CEP152: variants seen among roughly 807,000 people sequenced by gnomAD.
CEP152 encodes centrosomal protein of 152 kDa.
CEP152 carries 132 observed loss-of-function variants against 188.9 expected under a neutral mutation model. That is an observed-to-expected ratio of 0.70 (90% CI 0.61 to 0.81). The LOEUF (loss-of-function observed/expected upper bound fraction) is 0.81, where lower values mean the gene tolerates loss of function less well. Ranked by LOEUF, CEP152 falls within the 30% of genes least tolerant of loss-of-function variation. The pLI, the probability that CEP152 is intolerant of heterozygous loss-of-function variation, is 0.00. For missense variants in CEP152, 1,914 were observed against 1,969.8 expected (o/e 0.97, Z 0.54); for synonymous variants, 649 against 666.6 (o/e 0.97, Z 0.41).
At position 48,802,367 on chromosome 15, in the gene CEP152, G is replaced by A. The variant is rs185039552; in HGVS notation, c.87+3196C>T. Among the ~76,000 whole-genome samples the A allele has an allele frequency of 4.7e-3, 711 of 152,240 alleles. 6 individuals carry two copies. Among genetic ancestry groups the A allele is most frequent in the Non-Finnish European group, 7.3e-3 (498 of 68,024 alleles). On this transcript the variant is annotated intron_variant, in intron 2 of 26. Transcript: ENST00000380950. Reference sequence around the variant, plus strand: ...GTTAGTTAGGAGAAACATAAGTAATGTGTGACAATTAATTGATATTAACTG... The same window carrying A: ...GTTAGTTAGGAGAAACATAAGTAATATGTGACAATTAATTGATATTAACTG...
chr15:48,790,373 G>C (rs947346450), intron 8 of CEP152, among the ~76,000 whole-genome samples: 4 of 152,192 alleles, frequency 2.6e-5, no homozygotes, highest in Non-Finnish European at 5.9e-5. Flanking sequence ...AGGTGAGTTG[G>C]AGGATGGAGC....
intron 18 of CEP152, 102 bp from the exon 19 acceptor site, chr15:48,760,368 T>G (rs1015633363): frequency 1.7e-5 from 23 of 1,372,602 alleles, no homozygotes; most frequent in African/African-American, 1.4e-5. Context: ...ATACTGTATA[T>G]CACTACATAA....
intron 14 of CEP152, 65 bp from the exon 15 acceptor site, chr15:48,768,393 G>T: frequency 3.4e-6 from 3 of 881,008 alleles, no homozygotes; most frequent in Non-Finnish European, 5.5e-6. Context: ...GATTGATTTT[G>T]TCTTATTTTT....
At chr15:48,804,309 C>T (rs934348346) in intron 2 of CEP152, among the ~76,000 whole-genome samples, 2 of 152,204 alleles carry the variant, frequency 1.3e-5, no homozygotes, top group Admixed American at 6.5e-5. Context: ...ACCAACAATA[C>T]CTGTCTGAAC....
chr15:48,781,233 T>C lies in CEP152; in HGVS notation c.1540A>G (p.Ile514Val), dbSNP rs1896221117. Residue 514 changes from isoleucine to valine, a missense_variant, in exon 12 of 27, where the codon ATT (isoleucine) becomes GTT (valine). Transcript: ENST00000380950. ...GATTTTTTCCAGTTGACCTTTTTAA[T>C]ACCCAAATCCACATACGATTCAGTG... is the stretch of plus-strand genomic sequence containing the variant. ...ELTESYVDLG[I>V]KKVNWKKSKV... is the part of the protein sequence containing the mutation. 1.9e-6 allele frequency: 3 copies of C among 1,613,616 alleles called. No individual in the cohort carries two copies. The highest frequency in any genetic ancestry group is 1.1e-5 in the South Asian group (1 of 91,076).
chr15:48,800,902 A>C (rs898489811), intron 2 of CEP152, among the ~76,000 whole-genome samples: 2 of 152,240 alleles, frequency 1.3e-5, no homozygotes, highest in South Asian at 2.1e-4. Flanking sequence ...TTAACAAAAC[A>C]CTTTGCAATA....
chr15:48,799,178 C>T (rs1435445993), intron 2 of CEP152, among the ~76,000 whole-genome samples: 5 of 151,798 alleles, frequency 3.3e-5, no homozygotes, highest in Non-Finnish European at 7.4e-5. Context: ...AAATGAGATG[C>T]TCCCTGGTCT....
chr15:48,804,612 C>A (rs1354691443), intron 2 of CEP152, among the ~76,000 whole-genome samples: 4 of 152,210 alleles, frequency 2.6e-5, no homozygotes, highest in Non-Finnish European at 5.9e-5. Context: ...CTATTGCCAC[C>A]ATTTACTGAA....
chr15:48,751,803 G>A (rs1014043780), intron 21 of CEP152, among the ~76,000 whole-genome samples: 3 of 152,074 alleles, frequency 2.0e-5, no homozygotes, highest in South Asian at 4.1e-4. Context: ...GAATACAAGC[G>A]GCTCTAGTAC....
rs765917624 is a variant in CEP152, at chr15:48,756,093, A to G, written c.3155T>C (p.Val1052Ala). Residue 1052 changes from valine (V) to alanine (A), a missense_variant, in exon 20 of 27, where the codon GTT (valine) becomes GCT (alanine). By Grantham distance (64) the Val-to-Ala change is moderately conservative (BLOSUM62 0). Transcript: ENST00000380950. Reference protein sequence around the residue: ...YEEDILTVLGVLLSDTQKEHI... With the variant: ...YEEDILTVLGALLSDTQKEHI... ...CTCCTTTTGGGTATCACTTAAAAGA[A>G]CCCCAAGTACAGTCAGGATGTCTTC... The G allele has an allele frequency of 6.2e-7, 1 of 1,614,084 alleles. No homozygotes were observed. The highest frequency in any genetic ancestry group is 1.7e-5 in the Admixed American group (1 of 60,010).
chr15:48,733,516 T>C (rs1892495126), downstream of CEP152, among the ~76,000 whole-genome samples: 1 of 152,120 alleles, frequency 6.6e-6, no homozygotes, highest in Non-Finnish European at 1.5e-5. Flanking sequence ...GAATGCACAG[T>C]GCCTCAAAGA....
At chr15:48,779,704 C>A (rs185483698) in intron 12 of CEP152, among the ~76,000 whole-genome samples, 37 of 152,346 alleles carry the variant, frequency 2.4e-4, no homozygotes, top group African/African-American at 7.9e-4. Flanking sequence ...TCAAAACAAT[C>A]TGGATCTAAA....
At chr15:48,785,945 A>G (rs1896603098) in intron 9 of CEP152, among the ~76,000 whole-genome samples, 1 of 151,468 alleles carries the variant, frequency 6.6e-6, no homozygotes, top group African/African-American at 2.4e-5. Flanking sequence ...GAGAGATGAT[A>G]GAGATGACAG....
chr15:48,742,739 C>T (rs569039353), intron 24 of CEP152, among the ~76,000 whole-genome samples: 1 of 151,982 alleles, frequency 6.6e-6, no homozygotes, highest in Non-Finnish European at 1.5e-5. Context: ...ACATAGCCCA[C>T]AGCTTTCAAG....
chr15:48,791,381 G>T lies in CEP152; in HGVS notation c.833-5C>A. 2.5e-6 allele frequency: 4 copies of T among 1,608,500 alleles called. No homozygotes were observed. Among genetic ancestry groups the T allele is most frequent in the Non-Finnish European group, 3.4e-6 (4 of 1,177,774 alleles). On this transcript the variant is annotated splice_region_variant and splice_polypyrimidine_tract_variant and intron_variant, in intron 7 of 26. Coordinates refer to ENST00000380950, the MANE Select transcript of CEP152 (RefSeq NM_001194998.2). Reference sequence around the variant, plus strand: ...GAGTCAAACCATCCTTTTCATCTACGGTATTAAAAATGTTTATATAAATAA... The same window carrying T: ...GAGTCAAACCATCCTTTTCATCTACTGTATTAAAAATGTTTATATAAATAA...
Position 48,738,554 on chromosome 15 carries a change from G to A in CEP152, c.4828C>T (p.Gln1610Ter). The change falls in exon 27 of 27, where the codon CAG becomes TAG. Residue 1610 changes from glutamine (Q) to a stop codon, truncating the protein, a stop_gained. Coordinates refer to ENST00000380950, the MANE Select transcript of CEP152 (RefSeq NM_001194998.2). LOFTEE classifies it low-confidence loss of function (END_TRUNC). ...EIPSESVKSK[Q>*]FSPSGYLSDT... is the part of the protein sequence containing the mutation. Reference sequence around the variant, plus strand: ...GAAAGATAACCGGATGGTGAAAACTGTTTGGATTTAACAGATTCACTTGGT... The same window carrying A: ...GAAAGATAACCGGATGGTGAAAACTATTTGGATTTAACAGATTCACTTGGT... The A allele has an allele frequency of 6.2e-7, 1 of 1,614,176 alleles. No homozygotes were observed.
chr15:48,785,210 A>G (rs1352346468), intron 9 of CEP152, among the ~76,000 whole-genome samples: 1 of 152,362 alleles, frequency 6.6e-6, no homozygotes, highest in South Asian at 2.1e-4. Flanking sequence ...GCACCAATAC[A>G]TAACTACCTT....
Position 48,767,208 on chromosome 15 carries a change from C to G in CEP152, c.2148-16G>C. 6.2e-7 allele frequency: 1 copy of G among 1,613,802 alleles called. No individual in the cohort carries two copies. Among genetic ancestry groups the G allele is most frequent in the Non-Finnish European group, 8.5e-7 (1 of 1,180,010 alleles). On this transcript the variant is annotated splice_polypyrimidine_tract_variant and intron_variant, in intron 16 of 26. Coordinates refer to ENST00000380950, the MANE Select transcript of CEP152 (RefSeq NM_001194998.2). The stretch of plus-strand genomic sequence containing the variant: ...CAACTCAGACCTTGGATACACAAAA[C>G]CAGCAACTAAATGATTTAACCACAA...
chr15:48,751,415 T>C (rs1435257995), intron 21 of CEP152, among the ~76,000 whole-genome samples: 1 of 152,164 alleles, frequency 6.6e-6, no homozygotes, highest in African/African-American at 2.4e-5. Context: ...GAATTGGCAG[T>C]AAGATATTCT....
Sources: allele counts gnomAD v4.1 joint callset (sites outside exome capture counted in the v4.1 genomes callset), GRCh38; gene constraint gnomAD v4.1.1; transcripts MANE v1.5; gene names NCBI Gene and HGNC (gene_info 2026-07-23, HGNC 2026-07-21).